The following ANKMY2 variants were observed in gnomAD, a reference collection of about 807,000 sequenced individuals.
ANKMY2 encodes the protein ankyrin repeat and MYND domain containing 2, also known as ankyrin repeat and MYND domain-containing protein 2.
A neutral mutation model predicts 50.4 loss-of-function variants in ANKMY2; 36 were observed. That is an observed-to-expected ratio of 0.71 (90% CI 0.55 to 0.94). ANKMY2 has a LOEUF of 0.94. ANKMY2 is among the 40% of genes least tolerant of loss of function. ANKMY2 has a pLI of 0.00. For synonymous variants in ANKMY2, 187 were observed against 178.8 expected, an observed-to-expected ratio of 1.05 and a Z score of -0.36; for missense variants, 565 against 524.0, an observed-to-expected ratio of 1.08 and a Z score of -0.76.
intron 7 of ANKMY2, among the ~76,000 whole-genome samples, chr7:16,607,455 C>T (rs1488388500): frequency 1.3e-5 from 2 of 152,054 alleles, no homozygotes; most frequent in East Asian, 3.9e-4. Flanking sequence ...GTAGTCCCAG[C>T]TACTCGGGAG....
At chr7:16,617,338 T>A (rs1350323989) in intron 4 of ANKMY2, among the ~76,000 whole-genome samples, 3 of 152,206 alleles carry the variant, frequency 2.0e-5, no homozygotes, top group Non-Finnish European at 4.4e-5. Context: ...ATTAATGTCT[T>A]AATTGAGACA....
intron 1 of ANKMY2, among the ~76,000 whole-genome samples, chr7:16,637,185 G>C (rs1469918829): frequency 6.6e-6 from 1 of 152,146 alleles, no homozygotes; most frequent in Non-Finnish European, 1.5e-5. Context: ...GAAATTTCTG[G>C]TTTTACTGGG....
At position 16,615,725 on chromosome 7, in the gene ANKMY2, A is replaced by G. The variant is rs762107067; in HGVS notation, c.531+19T>C. On this transcript the variant is annotated intron_variant, in intron 5 of 9. Transcript: ENST00000306999. ...AGCAATATTTACATAAAAAGCAAATACGGTAGACACCACACTACCTTGACA... is the reference window on the plus strand; with the variant it reads ...AGCAATATTTACATAAAAAGCAAATGCGGTAGACACCACACTACCTTGACA... The G allele has an allele frequency of 1.2e-6, 2 of 1,613,826 alleles. No individual in the cohort carries two copies. Among genetic ancestry groups the G allele is most frequent in the Admixed American group, 1.7e-5 (1 of 59,898 alleles).
chr7:16,635,308 T>A (rs1275982308), intron 2 of ANKMY2, among the ~76,000 whole-genome samples: 1 of 152,104 alleles, frequency 6.6e-6, no homozygotes, highest in Non-Finnish European at 1.5e-5. Flanking sequence ...CAAACTAATA[T>A]ATTGTGACTA....
Position 16,627,079 on chromosome 7 carries a change from C to G in ANKMY2, c.232G>C (p.Glu78Gln). 6.2e-7 allele frequency: 1 copy of G among 1,611,780 alleles called. No homozygotes were observed. Among genetic ancestry groups the G allele is most frequent in the Non-Finnish European group, 8.5e-7 (1 of 1,178,890 alleles). The change falls in exon 3 of 10, where the codon GAA becomes CAA. Residue 78 changes from glutamate to glutamine, a missense_variant. Glu to Gln is a conservative substitution (Grantham distance 29). Transcript: ENST00000306999. The part of the protein sequence containing the change: ...HGADVNCHQH[E>Q]HGYTALMFAA... Reference sequence around the variant, plus strand: ...AACATGAGGGCTGTGTATCCATGTTCATGCTGATGACAATTTACATCGGCT... The same window carrying G: ...AACATGAGGGCTGTGTATCCATGTTGATGCTGATGACAATTTACATCGGCT...
intron 7 of ANKMY2, among the ~76,000 whole-genome samples, chr7:16,607,425 G>A (rs971619635): frequency 1.3e-5 from 2 of 151,900 alleles, no homozygotes; most frequent in Non-Finnish European, 2.9e-5. Flanking sequence ...AACATTAGTC[G>A]GGCATGGTGG....
chr7:16,625,643 A>C (rs34106641), intron 3 of ANKMY2, among the ~76,000 whole-genome samples: 26,886 of 152,124 alleles, frequency 0.18, 2,693 homozygotes, highest in Middle Eastern at 0.26. Flanking sequence ...CATTTTCGCA[A>C]GTTTGAATTA....
At chr7:16,638,420 T>A (rs1189115301) in intron 1 of ANKMY2, among the ~76,000 whole-genome samples, 3 of 152,104 alleles carry the variant, frequency 2.0e-5, no homozygotes, top group Admixed American at 6.6e-5. Context: ...ACAAATAATA[T>A]TACAAAGGAC....
At chr7:16,644,216 G>A (rs1219252350) in intron 1 of ANKMY2, among the ~76,000 whole-genome samples, 1 of 152,208 alleles carries the variant, frequency 6.6e-6, no homozygotes, top group East Asian at 1.9e-4. Flanking sequence ...CCTAGAGACA[G>A]GAAGAACTGA....
chr7:16,625,640 G>A (rs899547890), intron 3 of ANKMY2, among the ~76,000 whole-genome samples: 5 of 151,826 alleles, frequency 3.3e-5, no homozygotes, highest in South Asian at 2.1e-4. Context: ...ATTCATTTTC[G>A]CAAGTTTGAA....
chr7:16,615,762 C>G lies in ANKMY2; in HGVS notation c.513G>C (p.Thr171=), dbSNP rs11540037. The G allele has an allele frequency of 6.2e-7, 1 of 1,613,956 alleles. No homozygotes were observed. The highest frequency in any genetic ancestry group is 8.5e-7 in the Non-Finnish European group (1 of 1,179,960). The change falls in exon 5 of 10, where the codon ACG becomes ACC. Residue 171 remains threonine, a synonymous_variant. Coordinates refer to ENST00000306999, the MANE Select transcript of ANKMY2 (RefSeq NM_020319.3). Reference sequence around the variant, plus strand: ...ACACTACCTTGACAGGATGAAGATTCGTTGTGGTGATAATTTTGTGCAGCG... The same window carrying G: ...ACACTACCTTGACAGGATGAAGATTGGTTGTGGTGATAATTTTGTGCAGCG... The part of the protein sequence containing the change: ...AGPLHKIITT[T]NLHPVKIVML...
rs1306296305 is a variant in ANKMY2 at position 16,615,874 on chromosome 7, T to C, written c.401A>G (p.Asn134Ser). The change falls in exon 5 of 10, where the codon AAT (asparagine) becomes AGT (serine). Residue 134 changes from asparagine to serine, a missense_variant. Asn to Ser is a conservative substitution (Grantham distance 46, BLOSUM62 1). Coordinates refer to ENST00000306999, the MANE Select transcript of ANKMY2 (RefSeq NM_020319.3). ...ATCCAGTCTCTCTCGAGGAAAGAAA[T>C]TGTTGATTATGGTCACACAATCATG... ...GQHDCVTIIN[N>S]FFPRERLDYY... The C allele has an allele frequency of 2.5e-6, 4 of 1,613,780 alleles. No homozygotes were observed. Among genetic ancestry groups the C allele is most frequent in the South Asian group, 1.1e-5 (1 of 91,010 alleles).
At chr7:16,607,007 G>C (rs950913548) in intron 7 of ANKMY2, among the ~76,000 whole-genome samples, 3 of 152,152 alleles carry the variant, frequency 2.0e-5, no homozygotes, top group Non-Finnish European at 4.4e-5. Flanking sequence ...AGCCAGCCCT[G>C]AGAACCATCG....
At chr7:16,640,355 C>A (rs1191187469) in intron 1 of ANKMY2, among the ~76,000 whole-genome samples, 3 of 152,020 alleles carry the variant, frequency 2.0e-5, no homozygotes, top group Non-Finnish European at 4.4e-5. Flanking sequence ...CAATATAATT[C>A]ATTGTAACAT....
intron 7 of ANKMY2, among the ~76,000 whole-genome samples, chr7:16,609,037 A>C (rs972328597): frequency 1.3e-5 from 2 of 152,210 alleles, no homozygotes; most frequent in Non-Finnish European, 2.9e-5. Flanking sequence ...AATATATGAC[A>C]AATGAATAGT....
At chr7:16,610,827 G>T (rs1295312770) in intron 5 of ANKMY2, 64 bp from the exon 6 acceptor site, 13 of 1,384,026 alleles carry the variant, frequency 9.4e-6, no homozygotes, top group African/African-American at 1.4e-5. Flanking sequence ...AAATTAGGTA[G>T]TCCATTTAGT....
intron 4 of ANKMY2, among the ~76,000 whole-genome samples, chr7:16,623,508 T>C (rs928988121): frequency 6.6e-6 from 1 of 152,186 alleles, no homozygotes; most frequent in Non-Finnish European, 1.5e-5. Flanking sequence ...ACATTGTGGA[T>C]ATAATGAAAA....
At chr7:16,636,224 A>T (rs1583684879) in intron 2 of ANKMY2, among the ~76,000 whole-genome samples, 167 bp downstream of exon 2, 3 of 151,052 alleles carry the variant, frequency 2.0e-5, no homozygotes, top group African/African-American at 7.3e-5. Flanking sequence ...AATCACTTGA[A>T]ACAAGAAGGC....
intron 6 of ANKMY2, among the ~76,000 whole-genome samples, 157 bp from the exon 7 acceptor site, chr7:16,609,922 A>G (rs1781220283): frequency 1.3e-5 from 2 of 152,178 alleles, no homozygotes; most frequent in Admixed American, 6.5e-5. Flanking sequence ...TGTTCAACCT[A>G]TATGTTAGGC....
Sources: allele counts gnomAD v4.1 joint callset (sites outside exome capture counted in the v4.1 genomes callset), GRCh38; gene constraint gnomAD v4.1.1; transcripts MANE v1.5; gene names NCBI Gene and HGNC (gene_info 2026-07-23, HGNC 2026-07-21).